Variants in FCRL3 observed in about 807,000 individuals in gnomAD.
The protein encoded by FCRL3 is Fc receptor like 3.
A neutral mutation model predicts 75.0 loss-of-function variants in FCRL3; 89 were observed. That is an observed-to-expected ratio of 1.19 (90% CI 1.00 to 1.42). The LOEUF is 1.42. Ranked by LOEUF, FCRL3 falls within the 40% of genes most tolerant of loss-of-function variation. FCRL3 has a pLI of 0.00. For synonymous variants in FCRL3, 376 were observed against 348.5 expected (o/e 1.08, Z -0.88); for missense variants, 946 against 880.0 (o/e 1.07, Z -0.95).
intron 13 of FCRL3, among the ~76,000 whole-genome samples, chr1:157,679,828 C>CAAAAAA (rs879258382): frequency 0.028 from 782 of 27,874 alleles, 110 homozygotes; most frequent in Non-Finnish European, 0.053. Flanking sequence ...GACCCCATCT[C>CAAAAAA]ACAAAAAAAA....
At chr1:157,681,207 A>T in intron 11 of FCRL3, 108 bp from the exon 12 acceptor site, 1 of 620,622 alleles carries the variant, frequency 1.6e-6, no homozygotes. Context: ...TTCAAGTAAA[A>T]ATATTGTGTC....
rs577777203 is a variant in FCRL3 at position 157,693,840 on chromosome 1, T to C, written c.1411+1489A>G. Among the ~76,000 whole-genome samples the C allele has an allele frequency of 7.3e-4, 111 of 152,010 alleles. No individual in the cohort carries two copies. The Middle Eastern group carries it at 0.01, about 14-fold the overall frequency. On this transcript the variant is annotated intron_variant, in intron 8 of 14. Coordinates refer to ENST00000368184, the MANE Select transcript of FCRL3 (RefSeq NM_052939.4). ...TTGGCTCACTGCAGTCTCAACCTCT[T>C]GGGTTCAAGTGGTCCTCCCACCTCA...
chr1:157,691,112 T>C (rs1447761678), intron 8 of FCRL3, among the ~76,000 whole-genome samples: 1 of 152,230 alleles, frequency 6.6e-6, no homozygotes, highest in Non-Finnish European at 1.5e-5. Flanking sequence ...GCTGTATTTA[T>C]AGCTGTTGGA....
At position 157,692,195 on chromosome 1, in the gene FCRL3, T is replaced by G. The variant is rs550990087; in HGVS notation, c.1412-1662A>C. Among the ~76,000 whole-genome samples, 4 of 152,272 alleles carry G rather than the reference T, an allele frequency of 2.6e-5. No individual in the cohort carries two copies. The East Asian group carries it at 7.7e-4, about 29-fold the overall frequency. ...AGTGTTTTTACAGATTATTTTAATT[T>G]AAATCATAAAATATATTTTTTATTT... On this transcript the variant is annotated intron_variant, in intron 8 of 14. Transcript: ENST00000368184.
At chr1:157,699,778 C>T in intron 2 of FCRL3, 66 bp from the exon 3 acceptor site, 1 of 1,560,074 alleles carries the variant, frequency 6.4e-7, no homozygotes, top group Non-Finnish European at 8.8e-7. Context: ...CTAACCACAA[C>T]CACTTCTTTT....
In FCRL3 at chr1:157,676,841, C is replaced by T. The variant is rs1467374165; in HGVS notation, c.*1869G>A. On this transcript the variant is annotated 3_prime_UTR_variant, in exon 15 of 15. Coordinates refer to ENST00000368184, the MANE Select transcript of FCRL3 (RefSeq NM_052939.4). ...AAGTTCACTATAAGGCACAAAGGGG[C>T]TTGGCAAGGTAATTCCAAATCAGCA... The T allele has an allele frequency of 4.5e-6, 7 of 1,542,944 alleles. No individual in the cohort carries two copies. In the Admixed American group the frequency reaches 1.2e-4, roughly 26 times the overall value.
upstream of FCRL3, chr1:157,700,773 T>C: frequency 7.9e-7 from 1 of 1,271,226 alleles, no homozygotes; most frequent in Non-Finnish European, 1.0e-6. Context: ...AGACTGTGCC[T>C]GGGTTCTCTA....
intron 10 of FCRL3, among the ~76,000 whole-genome samples, chr1:157,687,249 C>G (rs1655230135): frequency 6.6e-6 from 1 of 150,442 alleles, no homozygotes; most frequent in Non-Finnish European, 1.5e-5. Flanking sequence ...CTATCTCACA[C>G]CAGTCAGAAT....
In FCRL3 at chr1:157,695,740, T is replaced by C. The variant is rs1655844213; in HGVS notation, c.1133-133A>G. 3 of 1,117,030 alleles carry C rather than the reference T, an allele frequency of 2.7e-6. No individual in the cohort carries two copies. The East Asian group carries it at 7.8e-5, about 29-fold the overall frequency. 69.2% of individuals were successfully genotyped at this position (1,117,030 alleles called of 1,614,324 possible). A position where few individuals can be genotyped will look rare whatever the true frequency, so the allele number is the denominator to read the frequency against. On this transcript the variant is annotated intron_variant, in intron 7 of 14. Transcript: ENST00000368184. ...GTTTCCCCACTGATCACATTTTTCT[T>C]ATCTAACAATCAGAAGCATTTCCCC...
At chr1:157,683,138 T>TA in intron 11 of FCRL3, 79 bp downstream of exon 11, 1 of 1,500,952 alleles carries the variant, frequency 6.7e-7, no homozygotes. Flanking sequence ...CCATTGAAAT[T>TA]TAAAAAAAAA....
rs1387914340 is a variant in FCRL3, at chr1:157,678,220, AAC to A, written c.*488_*489del. 4 of 987,352 alleles carry A rather than the reference AAC, an allele frequency of 4.1e-6. No homozygotes were observed. Among genetic ancestry groups the A allele is most frequent in the Non-Finnish European group, 4.8e-6 (4 of 831,368 alleles). The allele number at this position is 987,352 out of a possible 1,614,324, so 61.2% of individuals were successfully genotyped here. A position where few individuals can be genotyped will look rare whatever the true frequency, so the allele number is the denominator to read the frequency against. Reference sequence around the variant, plus strand: ...GAGTCACCTTAAATTCTTGTTCTATAACTTCTTTTGGCTGTTCCCAATATGGT... The same window carrying A: ...GAGTCACCTTAAATTCTTGTTCTATATTCTTTTGGCTGTTCCCAATATGGT... On this transcript the variant is annotated 3_prime_UTR_variant, in exon 15 of 15. Transcript: ENST00000368184.
chr1:157,687,197 A>T (rs1045889298), intron 10 of FCRL3, among the ~76,000 whole-genome samples: 2 of 151,422 alleles, frequency 1.3e-5, no homozygotes, highest in Non-Finnish European at 2.9e-5. Flanking sequence ...GCTCAACATC[A>T]CTAATCTCCA....
At chr1:157,695,727 A>T in intron 7 of FCRL3, 120 bp from the exon 8 acceptor site, 1 of 1,197,076 alleles carries the variant, frequency 8.4e-7, no homozygotes, top group Non-Finnish European at 1.2e-6. Flanking sequence ...TTCCCCACTG[A>T]TCACATTTTT....
At position 157,678,797 on chromosome 1, in the gene FCRL3, C is replaced by T; in HGVS notation, c.2118G>A (p.Glu706=). 1.2e-6 allele frequency: 2 copies of T among 1,614,034 alleles called. No individual in the cohort carries two copies. Among genetic ancestry groups the T allele is most frequent in the Non-Finnish European group, 1.7e-6 (2 of 1,179,986 alleles). ...KKTHPDDSAG[E]ASSRGRAHEE... is the part of the protein sequence containing the mutation. ...CATGGGCCCTGCCTCTGCTGCTAGC[C>T]TCCCCTGCAGAGTCGTCTGGGTGTG... The change falls in exon 15 of 15, where the codon GAG becomes GAA. Residue 706 remains glutamate, a synonymous_variant. Coordinates refer to ENST00000368184, the MANE Select transcript of FCRL3 (RefSeq NM_052939.4).
rs145834168 is a variant in FCRL3 at position 157,678,807 on chromosome 1, G to C, written c.2108C>G (p.Ser703Cys). The C allele has an allele frequency of 3.0e-4, 484 of 1,614,082 alleles. 1 individual carries two copies. The African/African-American group carries it at 4.5e-3, about 15-fold the overall frequency. Residue 703 changes from serine to cysteine, a missense_variant, in exon 15 of 15, where the codon TCT (serine) becomes TGT (cysteine). Ser to Cys is a moderately radical substitution (Grantham distance 112, BLOSUM62 -1). Transcript: ENST00000368184. ...SELKKTHPDD[S>C]AGEASSRGRA... ...GCCTCTGCTGCTAGCCTCCCCTGCA[G>C]AGTCGTCTGGGTGTGTCTTCTTCAG...
chr1:157,698,089 A>G, intron 4 of FCRL3, 170 bp from the exon 5 acceptor site: 1 of 781,000 alleles, frequency 1.3e-6, no homozygotes, highest in Non-Finnish European at 2.0e-6. Flanking sequence ...ACAAGGGTGA[A>G]CCAATTCCCA....
At position 157,676,897 on chromosome 1, in the gene FCRL3, T is replaced by C; in HGVS notation, c.*1813A>G. 6.8e-7 allele frequency: 1 copy of C among 1,473,256 alleles called. No homozygotes were observed. The highest frequency in any genetic ancestry group is 1.4e-5 in the South Asian group (1 of 72,704). 91.3% of individuals were successfully genotyped at this position (1,473,256 alleles called of 1,614,324 possible). ...GTTAGAAAGGAGGAGAGCCTCCATA[T>C]ACAGCCTGGTGGTTGGTACCCAAAA... On this transcript the variant is annotated 3_prime_UTR_variant, in exon 15 of 15. Transcript: ENST00000368184.
intron 4 of FCRL3, 85 bp downstream of exon 4, chr1:157,698,299 C>G: frequency 6.6e-7 from 1 of 1,524,252 alleles, no homozygotes; most frequent in Non-Finnish European, 8.9e-7. Flanking sequence ...CTGCTTACAA[C>G]TCTGCCTAGG....
rs779308234 is a variant in FCRL3 at position 157,678,686 on chromosome 1, C to T, written c.*24G>A. On this transcript the variant is annotated 3_prime_UTR_variant, in exon 15 of 15. Coordinates refer to ENST00000368184, the MANE Select transcript of FCRL3 (RefSeq NM_052939.4). ...AAAAAAAAATGGTGCAGGCTGTTTC[C>T]TGTGGGCCACTCTGGGTAAGGGGCT... The T allele has an allele frequency of 3.1e-5, 50 of 1,611,982 alleles. No individual in the cohort carries two copies. In the South Asian group the frequency reaches 5.4e-4, roughly 17 times the overall value.
Sources: allele counts gnomAD v4.1 joint callset (sites outside exome capture counted in the v4.1 genomes callset), GRCh38; gene constraint gnomAD v4.1.1; transcripts MANE v1.5; gene names NCBI Gene and HGNC (gene_info 2026-07-23, HGNC 2026-07-21).